NOX5: variants seen among roughly 807,000 people sequenced by gnomAD.
NOX5 encodes the protein NADPH oxidase, EF-hand calcium binding domain 5.
In NOX5, 76 loss-of-function variants were observed where a neutral mutation model predicts 85.7. The observed-to-expected ratio is 0.89, with a 90% CI of 0.74 to 1.07. The LOEUF (loss-of-function observed/expected upper bound fraction) is 1.07. Among genes scored for constraint, NOX5 ranks in the 50% least tolerant of loss-of-function variants. The pLI, the probability that NOX5 is intolerant of heterozygous loss-of-function variation, is 0.00. For synonymous variants in NOX5, 405 were observed against 401.4 expected (o/e 1.01, Z -0.11); for missense variants, 973 against 999.5 (o/e 0.97, Z 0.36).
intron 14 of NOX5, among the ~76,000 whole-genome samples, chr15:69,049,917 G>T (rs1045244207): frequency 6.6e-5 from 10 of 152,204 alleles, no homozygotes; most frequent in African/African-American, 2.4e-4. Context: ...AACCACCACT[G>T]CAATCAAAAT....
chr15:69,031,503 C>A lies in NOX5; in HGVS notation c.326-15C>A. On this transcript the variant is annotated splice_polypyrimidine_tract_variant and intron_variant, in intron 3 of 15. Coordinates refer to ENST00000388866, the MANE Select transcript of NOX5 (RefSeq NM_024505.4). ...TGGAGGTGGGTAAACAGAAGAGGCC[C>A]ACCACTTCTTGCAGTGTGTGCACGG... is the stretch of plus-strand genomic sequence containing the variant. 6.3e-7 allele frequency: 1 copy of A among 1,592,504 alleles called. No individual in the cohort carries two copies.
intron 7 of NOX5, 115 bp downstream of exon 7, chr15:69,036,051 A>G: frequency 7.2e-7 from 1 of 1,393,072 alleles, no homozygotes. Context: ...TGGTCTGCAT[A>G]TTATTTGCAT....
chr15:69,026,378 T>G, intron 1 of NOX5, 150 bp from the exon 2 acceptor site: 1 of 877,762 alleles, frequency 1.1e-6, no homozygotes, highest in South Asian at 1.8e-5. Flanking sequence ...TGTGGGAAGC[T>G]CCAATCCACA....
At chr15:69,040,923 G>A (rs961832894) in intron 9 of NOX5, among the ~76,000 whole-genome samples, 4 of 152,102 alleles carry the variant, frequency 2.6e-5, no homozygotes, top group African/African-American at 9.7e-5. Flanking sequence ...CCTGACCTCA[G>A]GTGATCCACC....
chr15:69,036,989 T>G, intron 7 of NOX5, 39 bp from the exon 8 acceptor site: 43 of 1,521,012 alleles, frequency 2.8e-5, no homozygotes, highest in East Asian at 6.8e-5. Context: ...CCCCCAGGCC[T>G]TGAGCTCTGG....
intron 4 of NOX5, among the ~76,000 whole-genome samples, chr15:69,032,698 A>G (rs935769066): frequency 6.6e-6 from 1 of 152,220 alleles, no homozygotes; most frequent in African/African-American, 2.4e-5. Context: ...GACGTGAGCC[A>G]CTGCACTGGG....
chr15:69,037,503 C>T, intron 8 of NOX5: 1 of 380,818 alleles, frequency 2.6e-6, no homozygotes, highest in Non-Finnish European at 4.8e-6. Flanking sequence ...GGTGCCAGGC[C>T]CTGAACTAGG....
chr15:69,017,085 A>G lies in NOX5; in HGVS notation c.50+2300A>G, dbSNP rs141235333. ...CCTGCTACCTGGAGGCTTTACCTGA[A>G]TGACGAAACCTTGGTCTCCATAACC... On this transcript the variant is annotated intron_variant, in intron 1 of 15. Coordinates refer to ENST00000388866, the MANE Select transcript of NOX5 (RefSeq NM_024505.4). Among the ~76,000 whole-genome samples, 569 of 152,250 alleles carry G rather than the reference A, an allele frequency of 3.7e-3. 1 individual carries two copies. The highest frequency in any genetic ancestry group is 5.4e-3 in the Non-Finnish European group (370 of 68,008).
Position 69,047,814 on chromosome 15 carries a change from T to G in NOX5, c.1818-16T>G. ...TCACCCCAAATTTACAACCCCTTCC[T>G]CCTGCCTCCCCTCAGGCACCAGAAA... On this transcript the variant is annotated splice_polypyrimidine_tract_variant and intron_variant, in intron 12 of 15. Coordinates refer to ENST00000388866, the MANE Select transcript of NOX5 (RefSeq NM_024505.4). The G allele has an allele frequency of 1.2e-6, 2 of 1,613,876 alleles. No homozygotes were observed. Among genetic ancestry groups the G allele is most frequent in the Non-Finnish European group, 1.7e-6 (2 of 1,179,870 alleles).
At position 69,058,647 on chromosome 15, in the gene NOX5, G is replaced by A. The variant is rs1461875187; in HGVS notation, c.*1951G>A. 6.6e-6 allele frequency: 1 copy of A among 152,194 alleles called. No individual in the cohort carries two copies. The highest frequency in any genetic ancestry group is 1.5e-5 in the Non-Finnish European group (1 of 68,068). The allele number at this position is 152,194 out of a possible 1,614,324, so 9.4% of individuals were successfully genotyped here. A position where few individuals can be genotyped will look rare whatever the true frequency, so the allele number is the denominator to read the frequency against. ...GGAGTCAGCAAGGCCAGGAGACCTG[G>A]TGTTGGGGCCTTCCAACCAGATCGT... On this transcript the variant is annotated 3_prime_UTR_variant, in exon 16 of 16. Coordinates refer to ENST00000388866, the MANE Select transcript of NOX5 (RefSeq NM_024505.4).
At chr15:69,025,527 T>G (rs2050346729) in intron 1 of NOX5, among the ~76,000 whole-genome samples, 2 of 152,220 alleles carry the variant, frequency 1.3e-5, no homozygotes, top group Admixed American at 1.3e-4. Flanking sequence ...CAGTTTCCAC[T>G]GCTCTGTGCA....
At chr15:69,023,143 C>T (rs182034702) in intron 1 of NOX5, 1 of 368,344 alleles carries the variant, frequency 2.7e-6, no homozygotes, top group East Asian at 8.6e-5. Flanking sequence ...TGGTATTAAA[C>T]AGAGAGGAAG....
intron 8 of NOX5, chr15:69,037,513 G>C (rs555960417): frequency 2.8e-6 from 1 of 352,714 alleles, no homozygotes; most frequent in African/African-American, 2.1e-5. Flanking sequence ...CCTGAACTAG[G>C]TTACAGAGAA....
chr15:69,035,591 C>T, intron 6 of NOX5, 84 bp downstream of exon 6: 1 of 1,565,118 alleles, frequency 6.4e-7, no homozygotes. Flanking sequence ...CCTGTGTGTA[C>T]TGCCTGCCCA....
intron 1 of NOX5, among the ~76,000 whole-genome samples, chr15:69,021,507 G>A (rs1040639014): frequency 1.3e-5 from 2 of 152,092 alleles, no homozygotes; most frequent in African/African-American, 2.4e-5. Flanking sequence ...TAGTAGAGAT[G>A]GGGTTTCACC....
intron 1 of NOX5, chr15:69,022,443 G>T: frequency 5.8e-6 from 1 of 173,056 alleles, no homozygotes. Context: ...CGTGAAACCT[G>T]GCCTCAATGC....
Position 69,056,640 on chromosome 15 carries a change from G to A in NOX5, c.2242G>A (p.Val748Met). 2 of 1,613,804 alleles carry A rather than the reference G, an allele frequency of 1.2e-6. No individual in the cohort carries two copies. Among genetic ancestry groups the A allele is most frequent in the East Asian group, 2.2e-5 (1 of 44,880 alleles). ...FFCGSPALAK[V>M]LKGHCEKFGF... is the part of the protein sequence containing the mutation. ...CTGTGGCTCCCCAGCTCTGGCCAAG[G>A]TGCTGAAGGGCCATTGTGAGAAGTT... The change falls in exon 16 of 16, where the codon GTG becomes ATG. Residue 748 changes from valine to methionine, a missense_variant. Transcript: ENST00000388866.
At chr15:69,034,307 G>A (rs1413438645) in intron 5 of NOX5, among the ~76,000 whole-genome samples, 1 of 152,168 alleles carries the variant, frequency 6.6e-6, no homozygotes, top group Non-Finnish European at 1.5e-5. Context: ...TACATGGGAT[G>A]TTTCGATACA....
At chr15:69,031,859 C>A in intron 4 of NOX5, 47 bp downstream of exon 4, 1 of 1,538,912 alleles carries the variant, frequency 6.5e-7, no homozygotes, top group Non-Finnish European at 8.8e-7. Context: ...CGGCGTTAGA[C>A]TCCTGGTCGG....
Sources: allele counts gnomAD v4.1 joint callset (sites outside exome capture counted in the v4.1 genomes callset), GRCh38; gene constraint gnomAD v4.1.1; transcripts MANE v1.5; gene names NCBI Gene and HGNC (gene_info 2026-07-23, HGNC 2026-07-21).